The following PIBF1 variants were observed in gnomAD, a reference collection of about 807,000 sequenced individuals.
PIBF1 encodes the protein progesterone immunomodulatory binding factor 1.
Under a neutral mutation model 112.5 loss-of-function variants are expected in PIBF1, and 90 were observed. The ratio of observed to expected loss-of-function variants is 0.80; its 90% confidence interval spans 0.67 to 0.95. The LOEUF is 0.95. Ranked by LOEUF, PIBF1 falls within the 40% of genes least tolerant of loss-of-function variation. PIBF1 has a pLI of 0.00. For synonymous variants in PIBF1, 301 were observed against 288.6 expected (o/e 1.04, Z -0.44); for missense variants, 915 against 852.3 (o/e 1.07, Z -0.92).
chr13:72,878,334 T>A (rs1241758240), intron 10 of PIBF1, among the ~76,000 whole-genome samples: 1 of 152,204 alleles, frequency 6.6e-6, no homozygotes, highest in African/African-American at 2.4e-5. Context: ...TTCCACAAGT[T>A]GTATTTTTAT....
At chr13:72,963,333 C>T (rs2042655144) in intron 14 of PIBF1, among the ~76,000 whole-genome samples, 1 of 152,168 alleles carries the variant, frequency 6.6e-6, no homozygotes, top group Admixed American at 6.5e-5. Context: ...ATGGCTCATG[C>T]CTGTAATCCC....
chr13:72,962,581 A>C (rs2042634823), intron 14 of PIBF1, among the ~76,000 whole-genome samples: 1 of 149,764 alleles, frequency 6.7e-6, no homozygotes, highest in Non-Finnish European at 1.5e-5. Flanking sequence ...TAGGTGACAG[A>C]GTGAGTCCCT....
intron 10 of PIBF1, among the ~76,000 whole-genome samples, chr13:72,854,620 A>G (rs1344141990): frequency 6.6e-6 from 1 of 152,200 alleles, no homozygotes; most frequent in Non-Finnish European, 1.5e-5. Flanking sequence ...TCACCTGTCA[A>G]TGGTCATTTT....
intron 8 of PIBF1, among the ~76,000 whole-genome samples, chr13:72,829,618 G>A (rs2037001631): frequency 6.6e-6 from 1 of 152,138 alleles, no homozygotes; most frequent in Non-Finnish European, 1.5e-5. Context: ...TGAGGCCTCT[G>A]TTCTGTTCCA....
intron 17 of PIBF1, 34 bp from the exon 18 acceptor site, chr13:73,015,834 AT>A: frequency 1.5e-6 from 2 of 1,364,180 alleles, no homozygotes; most frequent in Admixed American, 2.0e-5. Flanking sequence ...CCTTGTAAGC[AT>A]TTTATTGGAT....
At chr13:72,882,477 A>G (rs553387199) in intron 10 of PIBF1, among the ~76,000 whole-genome samples, 45 of 152,374 alleles carry the variant, frequency 3.0e-4, no homozygotes, top group South Asian at 2.5e-3. Context: ...AGCAAAGGAA[A>G]CAGTCAACAA....
chr13:72,936,561 A>G (rs892677744), intron 14 of PIBF1, among the ~76,000 whole-genome samples: 3 of 152,204 alleles, frequency 2.0e-5, no homozygotes, highest in Non-Finnish European at 4.4e-5. Flanking sequence ...ATATGTTTGC[A>G]TAATTGAAAC....
At chr13:72,957,264 A>G (rs2042473062) in intron 14 of PIBF1, among the ~76,000 whole-genome samples, 1 of 152,262 alleles carries the variant, frequency 6.6e-6, no homozygotes, top group African/African-American at 2.4e-5. Context: ...AACCAGCTCA[A>G]ATGCCCATCA....
At position 72,937,059 on chromosome 13, in the gene PIBF1, A is replaced by G. The variant is rs553344918; in HGVS notation, c.1833+5792A>G. 3.7e-4 allele frequency among the ~76,000 whole-genome samples: 56 copies of G among 152,260 alleles called. No homozygotes were observed. In the South Asian group the frequency reaches 0.011, roughly 31 times the overall value. On this transcript the variant is annotated intron_variant, in intron 14 of 17. Coordinates refer to ENST00000326291, the MANE Select transcript of PIBF1 (RefSeq NM_006346.4). ...CAGTGAAAACTACTAAAACATTAGC[A>G]TTAGCAAAGTGTATGTTTTTCCAGC...
chr13:72,864,049 G>C (rs890529576), intron 10 of PIBF1, among the ~76,000 whole-genome samples: 4 of 152,188 alleles, frequency 2.6e-5, no homozygotes, highest in Non-Finnish European at 5.9e-5. Flanking sequence ...AAACACATTT[G>C]ATGAAGCAAG....
chr13:72,896,588 T>C (rs1566419050), intron 11 of PIBF1, among the ~76,000 whole-genome samples: 1 of 151,782 alleles, frequency 6.6e-6, no homozygotes, highest in African/African-American at 2.4e-5. Context: ...TTCAAGGAAA[T>C]AGCTAAAAGA....
At chr13:72,868,849 AAAG>A (rs2039037012) in intron 10 of PIBF1, among the ~76,000 whole-genome samples, 1 of 151,376 alleles carries the variant, frequency 6.6e-6, no homozygotes, top group Non-Finnish European at 1.5e-5. Flanking sequence ...AAAAAAAAAA[AAAG>A]ATGAAACTAC....
intron 5 of PIBF1, among the ~76,000 whole-genome samples, chr13:72,812,587 A>C (rs1593950665): frequency 6.6e-6 from 1 of 152,050 alleles, no homozygotes; most frequent in Non-Finnish European, 1.5e-5. Context: ...CAAAAACTCC[A>C]GCCTGGCCAA....
At chr13:72,947,193 A>G (rs770131672) in intron 14 of PIBF1, among the ~76,000 whole-genome samples, 3 of 152,158 alleles carry the variant, frequency 2.0e-5, no homozygotes, top group African/African-American at 7.2e-5. Flanking sequence ...TGCATGCCCA[A>G]CACCACGTGG....
chr13:72,812,150 A>G (rs189382440), intron 5 of PIBF1, among the ~76,000 whole-genome samples: 192 of 152,226 alleles, frequency 1.3e-3, no homozygotes, highest in Non-Finnish European at 2.4e-3. Context: ...GACCTTACCA[A>G]ATACTTTGGT....
chr13:72,919,344 G>T (rs1006277007), intron 13 of PIBF1, among the ~76,000 whole-genome samples: 1 of 152,156 alleles, frequency 6.6e-6, no homozygotes, highest in African/African-American at 2.4e-5. Flanking sequence ...TGATCAAGGC[G>T]AGCTGAATAG....
chr13:72,894,748 A>AAT (rs1269324443), intron 11 of PIBF1, among the ~76,000 whole-genome samples: 1 of 140,984 alleles, frequency 7.1e-6, no homozygotes, highest in African/African-American at 2.6e-5. Context: ...TACAATATAT[A>AAT]ATATATATAT....
At chr13:72,954,766 T>C (rs943718024) in intron 14 of PIBF1, among the ~76,000 whole-genome samples, 35 of 152,208 alleles carry the variant, frequency 2.3e-4, no homozygotes, top group African/African-American at 8.0e-4. Flanking sequence ...TTTTAAAGGA[T>C]CTGTGGTTTT....
intron 14 of PIBF1, among the ~76,000 whole-genome samples, chr13:72,938,212 A>C (rs2041923223): frequency 2.0e-5 from 3 of 152,162 alleles, no homozygotes; most frequent in African/African-American, 7.2e-5. Context: ...AGATAACAAA[A>C]TTTACCATTT....
Sources: gnomAD v4.1 joint callset for allele counts (sites outside exome capture counted in the v4.1 genomes callset) on GRCh38, gnomAD v4.1.1 for gene constraint, MANE v1.5 for transcripts, NCBI Gene and HGNC (gene_info 2026-07-23, HGNC 2026-07-21) for gene names.